Variants in TCERG1L observed in about 807,000 individuals in gnomAD.
TCERG1L encodes transcription elongation regulator 1 like, also known as transcription elongation regulator 1-like protein.
A neutral mutation model predicts 56.3 loss-of-function variants in TCERG1L; 37 were observed. The observed-to-expected ratio is 0.66, with a 90% CI of 0.51 to 0.87. The LOEUF is 0.87. TCERG1L is among the 40% of genes least tolerant of loss of function. The pLI, the probability that TCERG1L is intolerant of heterozygous loss-of-function variation, is 0.00. For missense variants in TCERG1L, 799 were observed against 774.2 expected, an observed-to-expected ratio of 1.03 and a Z score of -0.38; for synonymous variants, 324 against 326.3, an observed-to-expected ratio of 0.99 and a Z score of 0.08.
chr10:131,113,325 C>A lies in TCERG1L; in HGVS notation c.1395+3474G>T, dbSNP rs1385490263. Among the ~76,000 whole-genome samples the A allele has an allele frequency of 2.8e-5, 4 of 142,436 alleles. 2 individuals are homozygous for A. The highest frequency in any genetic ancestry group is 2.8e-4 in the Admixed American group (4 of 14,472). 93.4% of individuals were successfully genotyped at this position (142,436 alleles called of 152,430 possible). On this transcript the variant is annotated intron_variant, in intron 9 of 11. Transcript: ENST00000368642. Reference sequence around the variant, plus strand: ...GATGCTGTCCGCACAGGCACCTCCCCTTCCCTGGTGGCCAGCCTAGCCCTT... The same window carrying A: ...GATGCTGTCCGCACAGGCACCTCCCATTCCCTGGTGGCCAGCCTAGCCCTT...
chr10:131,245,528 AG>A (rs767188432), intron 4 of TCERG1L, among the ~76,000 whole-genome samples: 2 of 151,878 alleles, frequency 1.3e-5, no homozygotes, highest in East Asian at 1.9e-4. Flanking sequence ...ACCCAAAACG[AG>A]GGGGCGGCTC....
At chr10:131,278,338 C>CTT (rs755934156) in intron 3 of TCERG1L, among the ~76,000 whole-genome samples, 24 of 137,076 alleles carry the variant, frequency 1.8e-4, no homozygotes, top group Non-Finnish European at 2.2e-4. Flanking sequence ...TTTCTTTTTT[C>CTT]TTTTTTTTTT....
intron 4 of TCERG1L, among the ~76,000 whole-genome samples, chr10:131,235,592 C>T (rs1039671790): frequency 2.6e-5 from 4 of 152,194 alleles, no homozygotes; most frequent in African/African-American, 9.7e-5. Flanking sequence ...TACTCTGGTG[C>T]ATTAACAGAA....
chr10:131,275,910 C>T (rs1846387347), intron 3 of TCERG1L, among the ~76,000 whole-genome samples: 2 of 152,158 alleles, frequency 1.3e-5, no homozygotes, highest in African/African-American at 2.4e-5. Context: ...ACAACGTGCA[C>T]GCACCCCCAG....
Position 131,099,948 on chromosome 10 carries a change from C to T in TCERG1L, c.1486-1524G>A, listed in dbSNP as rs191159271. Among the ~76,000 whole-genome samples, 590 of 152,252 alleles carry T rather than the reference C, an allele frequency of 3.9e-3. 11 individuals carry two copies. The highest frequency in any genetic ancestry group is 1.8e-3 in the Non-Finnish European group (124 of 68,028). ...GCATCACCTTGGCTTACTGCAACCT[C>T]TGCCTCCTGGGTTCAAGCAATTCTC... On this transcript the variant is annotated intron_variant, in intron 10 of 11. Coordinates refer to ENST00000368642, the MANE Select transcript of TCERG1L (RefSeq NM_174937.4).
At chr10:131,096,073 C>T (rs1249027769) in intron 11 of TCERG1L, among the ~76,000 whole-genome samples, 1 of 152,200 alleles carries the variant, frequency 6.6e-6, no homozygotes, top group Admixed American at 6.5e-5. Context: ...TGCCAGGCAC[C>T]GTCGGGGTCC....
At chr10:131,101,400 G>A (rs545796747) in intron 10 of TCERG1L, among the ~76,000 whole-genome samples, 6 of 152,324 alleles carry the variant, frequency 3.9e-5, no homozygotes, top group African/African-American at 1.2e-4. Flanking sequence ...TTCTTTTTGC[G>A]GTGAGAATGA....
chr10:131,152,955 G>A (rs1188475443), intron 6 of TCERG1L, among the ~76,000 whole-genome samples: 1 of 152,106 alleles, frequency 6.6e-6, no homozygotes, highest in Non-Finnish European at 1.5e-5. Context: ...TGGCCCCCAT[G>A]ACTCAATTAC....
chr10:131,303,374 C>T (rs893748792), intron 3 of TCERG1L, among the ~76,000 whole-genome samples: 5 of 152,048 alleles, frequency 3.3e-5, no homozygotes, highest in Non-Finnish European at 7.4e-5. Flanking sequence ...TCTCTAATGA[C>T]CAGTGATGAT....
intron 3 of TCERG1L, among the ~76,000 whole-genome samples, chr10:131,303,807 C>T (rs1238949973): frequency 6.6e-6 from 1 of 152,056 alleles, no homozygotes; most frequent in African/African-American, 2.4e-5. Flanking sequence ...TTTCCTCAAA[C>T]TGTCTTTTCA....
intron 4 of TCERG1L, among the ~76,000 whole-genome samples, chr10:131,236,469 C>G (rs938615808): frequency 6.6e-6 from 1 of 152,212 alleles, no homozygotes; most frequent in Non-Finnish European, 1.5e-5. Flanking sequence ...CATCAGCATC[C>G]CAGGGTCACC....
chr10:131,187,755 G>A (rs559223286), intron 4 of TCERG1L, among the ~76,000 whole-genome samples: 11 of 152,262 alleles, frequency 7.2e-5, no homozygotes, highest in East Asian at 3.9e-4. Context: ...CAGTTTGTTC[G>A]CCTGGAGAGC....
chr10:131,162,258 G>A (rs1845986241), intron 6 of TCERG1L: 1 of 152,236 alleles, frequency 6.6e-6, no homozygotes, highest in Non-Finnish European at 1.5e-5. Context: ...GCACTCCCAG[G>A]GTACAGAGGA....
intron 4 of TCERG1L, among the ~76,000 whole-genome samples, chr10:131,182,988 A>G (rs1366152738): frequency 1.3e-5 from 2 of 152,252 alleles, no homozygotes; most frequent in East Asian, 1.9e-4. Context: ...AAAACAGTGC[A>G]GTGCTTATGG....
intron 4 of TCERG1L, among the ~76,000 whole-genome samples, chr10:131,175,255 G>C (rs1485748788): frequency 1.3e-5 from 2 of 152,240 alleles, no homozygotes; most frequent in South Asian, 2.1e-4. Context: ...AGGGTAAAAG[G>C]AGTGGAGATG....
intron 3 of TCERG1L, among the ~76,000 whole-genome samples, chr10:131,287,837 A>T (rs2133569567): frequency 6.6e-6 from 1 of 152,352 alleles, no homozygotes; most frequent in East Asian, 1.9e-4. Flanking sequence ...AGGGGTGCTC[A>T]GTCAACTTCT....
chr10:131,109,086 G>A (rs1357110591), intron 9 of TCERG1L, among the ~76,000 whole-genome samples: 2 of 152,154 alleles, frequency 1.3e-5, no homozygotes, highest in Non-Finnish European at 1.5e-5. Context: ...GGGGGGTGGA[G>A]GGTGGTGCTT....
intron 3 of TCERG1L, among the ~76,000 whole-genome samples, chr10:131,272,782 C>T (rs550570504): frequency 7.2e-5 from 11 of 152,298 alleles, no homozygotes; most frequent in Non-Finnish European, 1.2e-4. Context: ...CCCACCCTGC[C>T]GGGATGTGGA....
chr10:131,186,112 G>A lies in TCERG1L; in HGVS notation c.857-19227C>T, dbSNP rs150669993. On this transcript the variant is annotated intron_variant, in intron 4 of 11. Coordinates refer to ENST00000368642, the MANE Select transcript of TCERG1L (RefSeq NM_174937.4). ...AAGTTAGAAAAGCCAGACACAAAAG[G>A]TCACCTATTGTGTGGTTCATTTACC... Among the ~76,000 whole-genome samples the A allele has an allele frequency of 2.5e-3, 387 of 152,310 alleles. 2 individuals are homozygous for A. Among genetic ancestry groups the A allele is most frequent in the African/African-American group, 8.9e-3 (372 of 41,574 alleles).
Sources: allele counts gnomAD v4.1 joint callset (sites outside exome capture counted in the v4.1 genomes callset), GRCh38; gene constraint gnomAD v4.1.1; transcripts MANE v1.5; gene names NCBI Gene and HGNC (gene_info 2026-07-23, HGNC 2026-07-21).